Variants in GARRE1 observed in about 807,000 individuals in gnomAD.
GARRE1 encodes the protein granule associated Rac and RHOG effector 1, also known as granule associated Rac and RHOG effector protein 1.
A neutral mutation model predicts 103.2 loss-of-function variants in GARRE1; 49 were observed. The ratio of observed to expected loss-of-function variants is 0.47; its 90% CI spans 0.38 to 0.60. The LOEUF is 0.60. Ranked by LOEUF, GARRE1 falls within the 20% of genes least tolerant of loss-of-function variation. The pLI is 0.00. For missense variants in GARRE1, 1,199 were observed against 1,370.5 expected, an observed-to-expected ratio of 0.87 and a Z score of 1.98; for synonymous variants, 505 against 532.8, an observed-to-expected ratio of 0.95 and a Z score of 0.72.
At position 34,327,433 on chromosome 19, in the gene GARRE1, C is replaced by T. The variant is rs1021068145; in HGVS notation, c.718C>T (p.Leu240=). 4.3e-6 allele frequency: 7 copies of T among 1,613,976 alleles called. No homozygotes were observed. The highest frequency in any genetic ancestry group is 5.9e-6 in the Non-Finnish European group (7 of 1,180,014). The part of the protein sequence containing the change: ...WRGAAEATSR[L]RERGCDGCLA... ...ATATATGTTACAGGCGACATCTAGA[C>T]TAAGAGAAAGAGGCTGTGATGGTTG... Residue 240 remains leucine, a synonymous_variant, in exon 4 of 14, where the codon CTA becomes TTA. Transcript: ENST00000299505.
At chr19:34,348,840 T>C in intron 11 of GARRE1, 176 bp from the exon 12 acceptor site, 1 of 671,534 alleles carries the variant, frequency 1.5e-6, no homozygotes, top group Admixed American at 2.6e-5. Context: ...TTGATGAATA[T>C]GTATTACTTT....
intron 1 of GARRE1, among the ~76,000 whole-genome samples, chr19:34,287,490 G>GA (rs964699019): frequency 7.2e-5 from 11 of 152,250 alleles, no homozygotes; most frequent in Non-Finnish European, 5.9e-5. Context: ...GGTAGGTGGT[G>GA]AAAAAAATTG....
intron 6 of GARRE1, among the ~76,000 whole-genome samples, chr19:34,328,796 C>T (rs112279736): frequency 0.097 from 14,741 of 151,862 alleles, 1,131 homozygotes; most frequent in African/African-American, 0.2. Context: ...TTAGTAGAGA[C>T]GGGGTTTTAC....
intron 12 of GARRE1, among the ~76,000 whole-genome samples, chr19:34,350,683 G>A (rs1428249348): frequency 2.0e-5 from 3 of 152,100 alleles, no homozygotes; most frequent in Admixed American, 1.3e-4. Flanking sequence ...CCGGGTTCAC[G>A]CCATTCTCCT....
At chr19:34,306,259 G>C (rs908880910) in intron 2 of GARRE1, among the ~76,000 whole-genome samples, 1 of 152,226 alleles carries the variant, frequency 6.6e-6, no homozygotes, top group African/African-American at 2.4e-5. Context: ...CTACTCAGGA[G>C]CTCAGTCCAG....
intron 1 of GARRE1, among the ~76,000 whole-genome samples, chr19:34,260,454 T>C (rs2073710372): frequency 6.6e-6 from 1 of 152,224 alleles, no homozygotes; most frequent in Non-Finnish European, 1.5e-5. Flanking sequence ...GCCTATAATA[T>C]CTTTTCCTGA....
In GARRE1 at chr19:34,300,527, G is replaced by A; in HGVS notation, c.54G>A (p.Leu18=). Residue 18 remains leucine, a synonymous_variant, in exon 2 of 14, where the codon CTG becomes CTA. Coordinates refer to ENST00000299505, the MANE Select transcript of GARRE1 (RefSeq NM_014686.5). ...DSKMDYKRRF[L]LGGSKQKVQQ... ...AAATGGACTACAAGCGGCGCTTCCTGCTTGGCGGGTCCAAGCAGAAGGTGC... is the reference window on the plus strand; with the variant it reads ...AAATGGACTACAAGCGGCGCTTCCTACTTGGCGGGTCCAAGCAGAAGGTGC... 6.2e-7 allele frequency: 1 copy of A among 1,613,130 alleles called. No individual in the cohort carries two copies.
chr19:34,345,136 A>G (rs995421799), intron 10 of GARRE1, among the ~76,000 whole-genome samples: 8 of 151,550 alleles, frequency 5.3e-5, no homozygotes, highest in Non-Finnish European at 1.2e-4. Context: ...CCGCGCCCAT[A>G]GAGATGGGGT....
Position 34,353,196 on chromosome 19 carries a change from G to C in GARRE1, c.*241G>C. 2.0e-6 allele frequency: 1 copy of C among 502,824 alleles called. No individual in the cohort carries two copies. The highest frequency in any genetic ancestry group is 3.5e-6 in the Non-Finnish European group (1 of 284,866). 31.1% of individuals were successfully genotyped at this position (502,824 alleles called of 1,614,324 possible). On this transcript the variant is annotated 3_prime_UTR_variant, in exon 14 of 14. Transcript: ENST00000299505. ...TGGAGACACAGGCGTCTGGCCTTCA[G>C]GGGCTTGCTAGGGAACCTGCATGCC...
At chr19:34,311,552 A>G (rs990182002) in intron 2 of GARRE1, among the ~76,000 whole-genome samples, 1 of 152,078 alleles carries the variant, frequency 6.6e-6, no homozygotes, top group Non-Finnish European at 1.5e-5. Context: ...CTCCATTCCA[A>G]CCCTGGTCCA....
At chr19:34,306,405 A>G (rs2074007634) in intron 2 of GARRE1, among the ~76,000 whole-genome samples, 1 of 152,236 alleles carries the variant, frequency 6.6e-6, no homozygotes, top group South Asian at 2.1e-4. Context: ...CTTCTGACTT[A>G]CAGCCAAGTT....
At chr19:34,281,363 T>C (rs2073851972) in intron 1 of GARRE1, among the ~76,000 whole-genome samples, 1 of 152,234 alleles carries the variant, frequency 6.6e-6, no homozygotes, top group Admixed American at 6.5e-5. Context: ...TGATCTCAGC[T>C]CACTGCAACC....
chr19:34,279,024 T>C (rs1003274353), intron 1 of GARRE1, among the ~76,000 whole-genome samples: 3 of 152,200 alleles, frequency 2.0e-5, no homozygotes, highest in Non-Finnish European at 4.4e-5. Context: ...CCACATTTGT[T>C]TATCTATTCA....
intron 3 of GARRE1, among the ~76,000 whole-genome samples, chr19:34,326,378 C>T (rs1420633509): frequency 6.6e-6 from 1 of 152,184 alleles, no homozygotes; most frequent in Non-Finnish European, 1.5e-5. Context: ...AAATAGAAAT[C>T]TAAAAACAGT....
chr19:34,317,175 G>A (rs371051065), intron 2 of GARRE1, among the ~76,000 whole-genome samples: 5 of 152,202 alleles, frequency 3.3e-5, no homozygotes, highest in African/African-American at 1.2e-4. Context: ...CCATCCGTCT[G>A]TGTTCCTTTC....
intron 2 of GARRE1, among the ~76,000 whole-genome samples, chr19:34,307,318 C>T (rs1030937677): frequency 1.3e-5 from 2 of 152,026 alleles, no homozygotes; most frequent in African/African-American, 4.8e-5. Flanking sequence ...TGGGTAGCTC[C>T]AGGGCTCTGG....
At chr19:34,309,243 C>G (rs2145250161) in intron 2 of GARRE1, among the ~76,000 whole-genome samples, 1 of 152,234 alleles carries the variant, frequency 6.6e-6, no homozygotes, top group East Asian at 1.9e-4. Flanking sequence ...ATTTGTTCAA[C>G]AAGTCAGTAG....
intron 1 of GARRE1, among the ~76,000 whole-genome samples, chr19:34,281,477 G>T (rs2073853119): frequency 6.6e-6 from 1 of 152,154 alleles, no homozygotes; most frequent in South Asian, 2.1e-4. Flanking sequence ...TTTTAGTAGA[G>T]ACGTGGTTTC....
intron 1 of GARRE1, among the ~76,000 whole-genome samples, chr19:34,257,047 C>T (rs1233309785): frequency 6.6e-6 from 1 of 152,110 alleles, no homozygotes; most frequent in East Asian, 1.9e-4. Flanking sequence ...CACACAAATA[C>T]GTAGGTTGGC....
Sources: gnomAD v4.1 joint callset for allele counts (sites outside exome capture counted in the v4.1 genomes callset) on GRCh38, gnomAD v4.1.1 for gene constraint, MANE v1.5 for transcripts, NCBI Gene and HGNC (gene_info 2026-07-23, HGNC 2026-07-21) for gene names.